The following CADM1 variants were observed in gnomAD, a reference collection of about 807,000 sequenced individuals.
The protein encoded by CADM1 is cell adhesion molecule 1.
CADM1 carries 15 observed loss-of-function variants against 53.1 expected under a neutral mutation model. The observed-to-expected ratio is 0.28, with a 90% confidence interval of 0.19 to 0.44. The LOEUF is 0.44. Ranked by LOEUF, CADM1 falls within the 20% of genes least tolerant of loss-of-function variation. The pLI, the probability that CADM1 is intolerant of heterozygous loss-of-function variation, is 1.00. For synonymous variants in CADM1, 281 were observed against 243.0 expected (o/e 1.16, Z -1.45); for missense variants, 434 against 611.3 (o/e 0.71, Z 3.06).
chr11:115,445,004 CA>C (rs1254955518), intron 1 of CADM1, among the ~76,000 whole-genome samples: 3 of 152,164 alleles, frequency 2.0e-5, no homozygotes, highest in Non-Finnish European at 1.5e-5. Context: ...AACATAGTGA[CA>C]AACACAGTTT....
At chr11:115,423,611 A>G (rs1018684185) in intron 1 of CADM1, among the ~76,000 whole-genome samples, 1 of 152,140 alleles carries the variant, frequency 6.6e-6, no homozygotes, top group African/African-American at 2.4e-5. Flanking sequence ...CTTGCATCAT[A>G]GTTCTTATTT....
intron 1 of CADM1, among the ~76,000 whole-genome samples, chr11:115,251,622 G>T (rs1306874663): frequency 2.6e-5 from 4 of 152,180 alleles, no homozygotes; most frequent in African/African-American, 7.2e-5. Flanking sequence ...AAGCAGCTTT[G>T]AACTATTATA....
chr11:115,201,981 CA>C (rs1940452966), intron 8 of CADM1, among the ~76,000 whole-genome samples: 1 of 152,080 alleles, frequency 6.6e-6, no homozygotes, highest in South Asian at 2.1e-4. Flanking sequence ...ACAAGGTATC[CA>C]AAGAAGGGCC....
intron 1 of CADM1, among the ~76,000 whole-genome samples, chr11:115,310,855 A>G (rs1944514784): frequency 6.6e-6 from 1 of 152,166 alleles, no homozygotes; most frequent in Non-Finnish European, 1.5e-5. Context: ...CCAGAAATAC[A>G]CACTTTAAAA....
chr11:115,358,310 C>T (rs556512014), intron 1 of CADM1, among the ~76,000 whole-genome samples: 1 of 152,126 alleles, frequency 6.6e-6, no homozygotes, highest in Non-Finnish European at 1.5e-5. Flanking sequence ...TAAAGACATA[C>T]TGGAGACTGG....
At chr11:115,450,206 A>G (rs1948541651) in intron 1 of CADM1, among the ~76,000 whole-genome samples, 1 of 152,130 alleles carries the variant, frequency 6.6e-6, no homozygotes, top group South Asian at 2.1e-4. Context: ...TCAAGAAATA[A>G]CTTTCAGCCT....
At chr11:115,345,086 G>A (rs912645610) in intron 1 of CADM1, among the ~76,000 whole-genome samples, 1 of 152,206 alleles carries the variant, frequency 6.6e-6, no homozygotes, top group East Asian at 1.9e-4. Context: ...AACAGGCCTA[G>A]GCTGTCTAGG....
At chr11:115,309,356 G>C (rs1410361681) in intron 1 of CADM1, among the ~76,000 whole-genome samples, 4 of 151,978 alleles carry the variant, frequency 2.6e-5, no homozygotes, top group Admixed American at 2.6e-4. Flanking sequence ...TTTAACCCAT[G>C]GGCTTTTTAA....
intron 1 of CADM1, among the ~76,000 whole-genome samples, chr11:115,369,447 G>C (rs1253935706): frequency 6.6e-6 from 1 of 152,186 alleles, no homozygotes; most frequent in Non-Finnish European, 1.5e-5. Context: ...AAGCCTGGCA[G>C]AGAGTATTGT....
At position 115,504,328 on chromosome 11, in the gene CADM1, C is replaced by T; in HGVS notation, c.67G>A (p.Gly23Arg). 6.4e-7 allele frequency: 1 copy of T among 1,551,560 alleles called. No homozygotes were observed. Among genetic ancestry groups the T allele is most frequent in the Non-Finnish European group, 8.7e-7 (1 of 1,147,934 alleles). Reference sequence around the variant, plus strand: ...AACAGCAGAAGCCGGAGCCGGAGCCCGGGAGGCGCCGCCGCCGCCGCTGCC... The same window carrying T: ...AACAGCAGAAGCCGGAGCCGGAGCCTGGGAGGCGCCGCCGCCGCCGCTGCC... ...AAAAAAAAPP[G>R]LRLRLLLLLF... The change falls in exon 1 of 12, where the codon GGG becomes AGG. Residue 23 changes from glycine (G) to arginine (R), a missense_variant. Coordinates refer to ENST00000331581, the MANE Select transcript of CADM1 (RefSeq NM_001301043.2).
chr11:115,315,251 C>T (rs924452654), intron 1 of CADM1, among the ~76,000 whole-genome samples: 1 of 152,074 alleles, frequency 6.6e-6, no homozygotes, highest in Admixed American at 6.6e-5. Flanking sequence ...AAACCCAAAC[C>T]TATTAAACAG....
At chr11:115,178,483 G>GTT (rs375004893) in intron 11 of CADM1, among the ~76,000 whole-genome samples, 161 bp downstream of exon 11, 97 of 133,802 alleles carry the variant, frequency 7.2e-4, no homozygotes, top group African/African-American at 2.0e-3. Flanking sequence ...TTCTGGTTTT[G>GTT]TTTTTTTTTT....
chr11:115,192,307 A>G (rs61649108), intron 9 of CADM1, among the ~76,000 whole-genome samples: 24,927 of 152,198 alleles, frequency 0.16, 2,157 homozygotes, highest in East Asian at 0.3. Context: ...AATAGTTAAC[A>G]GCAGGTGCTG....
At chr11:115,461,809 AG>A (rs1214868145) in intron 1 of CADM1, among the ~76,000 whole-genome samples, 12 of 152,072 alleles carry the variant, frequency 7.9e-5, no homozygotes, top group Admixed American at 1.3e-4. Context: ...TAAACAGGGA[AG>A]TTTGAGAGGG....
chr11:115,231,561 A>G, intron 3 of CADM1, 71 bp from the exon 4 acceptor site: 1 of 1,401,136 alleles, frequency 7.1e-7, no homozygotes, highest in Non-Finnish European at 1.0e-6. Flanking sequence ...AAAAGGAGAA[A>G]AACAGTAGAC....
At chr11:115,466,792 G>A (rs1355596553) in intron 1 of CADM1, among the ~76,000 whole-genome samples, 2 of 152,134 alleles carry the variant, frequency 1.3e-5, no homozygotes, top group Non-Finnish European at 2.9e-5. Flanking sequence ...ATATCAAAGA[G>A]CATGAAAGCT....
intron 1 of CADM1, among the ~76,000 whole-genome samples, chr11:115,278,040 A>G (rs1279009011): frequency 1.3e-5 from 2 of 151,752 alleles, no homozygotes; most frequent in African/African-American, 4.9e-5. Flanking sequence ...TCACATTTTC[A>G]TCCCCTGCAG....
At chr11:115,452,963 C>T (rs1038726110) in intron 1 of CADM1, among the ~76,000 whole-genome samples, 2 of 152,022 alleles carry the variant, frequency 1.3e-5, no homozygotes, top group African/African-American at 4.8e-5. Flanking sequence ...AACCTATAAG[C>T]ATGTAATGCT....
At chr11:115,318,737 T>C (rs111357993) in intron 1 of CADM1, among the ~76,000 whole-genome samples, 1 of 152,190 alleles carries the variant, frequency 6.6e-6, no homozygotes, top group African/African-American at 2.4e-5. Flanking sequence ...GGCAGAATTA[T>C]ACTTGATGAC....
Sources: gnomAD v4.1 joint callset for allele counts (sites outside exome capture counted in the v4.1 genomes callset) on GRCh38, gnomAD v4.1.1 for gene constraint, MANE v1.5 for transcripts, NCBI Gene and HGNC (gene_info 2026-07-23, HGNC 2026-07-21) for gene names.